Variants in PPFIA1 observed in about 807,000 individuals in gnomAD.
PPFIA1 encodes the protein liprin-alpha-1.
Under a neutral mutation model 149.9 loss-of-function variants are expected in PPFIA1, and 25 were observed. The observed-to-expected ratio is 0.17, with a 90% CI of 0.12 to 0.23. PPFIA1 has a LOEUF of 0.23. PPFIA1 is among the 10% of genes least tolerant of loss of function. PPFIA1 has a pLI of 1.00. For synonymous variants in PPFIA1, 549 were observed against 552.8 expected, an observed-to-expected ratio of 0.99 and a Z score of 0.10; for missense variants, 1,362 against 1,506.5, an observed-to-expected ratio of 0.90 and a Z score of 1.59.
At chr11:70,303,725 G>A (rs1338421186) in intron 2 of PPFIA1, among the ~76,000 whole-genome samples, 1 of 152,214 alleles carries the variant, frequency 6.6e-6, no homozygotes, top group Non-Finnish European at 1.5e-5. Context: ...GTAACTGGAG[G>A]CCTGGCACGG....
rs17853270 is a variant in PPFIA1, at chr11:70,354,423, C to T, written c.2286C>T (p.Val762=). 0.12 allele frequency: 196,332 copies of T among 1,613,538 alleles called. 12,852 individuals carry two copies. The highest frequency in any genetic ancestry group is 0.21 in the Admixed American group (12,743 of 59,946). The change falls in exon 17 of 28, where the codon GTC becomes GTT. Residue 762 remains valine (V), a synonymous_variant. Transcript: ENST00000253925. ...DRLHKGALHT[V]SHEDIRDIRN... is the part of the protein sequence containing the mutation. The stretch of plus-strand genomic sequence containing the variant: ...TGCACAAAGGGGCGCTGCACACCGT[C>T]AGCCACGAGGACATCAGGGACATAA...
chr11:70,295,000 C>T (rs56170946), intron 2 of PPFIA1, among the ~76,000 whole-genome samples: 31,266 of 149,650 alleles, frequency 0.21, 4,989 homozygotes, highest in African/African-American at 0.44. Flanking sequence ...ATCTTTTCCC[C>T]GCCTTTCCCC....
intron 15 of PPFIA1, among the ~76,000 whole-genome samples, chr11:70,347,691 G>A (rs1293513630): frequency 6.6e-6 from 1 of 152,142 alleles, no homozygotes; most frequent in Non-Finnish European, 1.5e-5. Flanking sequence ...GGATGACAGT[G>A]TGAGACCCTG....
intron 2 of PPFIA1, among the ~76,000 whole-genome samples, chr11:70,280,197 C>G (rs978212115): frequency 3.4e-5 from 5 of 145,028 alleles, no homozygotes; most frequent in Middle Eastern, 3.3e-3. Flanking sequence ...CATGAGCTAG[C>G]ATGTGTGTAT....
intron 2 of PPFIA1, among the ~76,000 whole-genome samples, chr11:70,283,223 A>C (rs1254117661): frequency 6.6e-6 from 1 of 150,928 alleles, no homozygotes; most frequent in Non-Finnish European, 1.5e-5. Context: ...TTTCAGTTGC[A>C]TTTTCAAATG....
intron 21 of PPFIA1, chr11:70,367,645 A>T (rs554854738): frequency 2.0e-5 from 9 of 454,552 alleles, no homozygotes; most frequent in African/African-American, 1.8e-4. Flanking sequence ...TCTCCCTGGG[A>T]TGGAGCCTGA....
intron 2 of PPFIA1, among the ~76,000 whole-genome samples, chr11:70,322,050 T>G (rs2053974951): frequency 6.6e-6 from 1 of 152,156 alleles, no homozygotes; most frequent in Non-Finnish European, 1.5e-5. Flanking sequence ...CAGCTAATTT[T>G]GTATTTTTAG....
At chr11:70,321,246 C>T (rs1244764152) in intron 2 of PPFIA1, 1 of 152,390 alleles carries the variant, frequency 6.6e-6, no homozygotes, top group African/African-American at 2.4e-5. Context: ...CTGCTGATGT[C>T]TTGCTTCTGA....
intron 26 of PPFIA1, among the ~76,000 whole-genome samples, chr11:70,380,057 A>G (rs1380388867): frequency 6.6e-6 from 1 of 152,254 alleles, no homozygotes; most frequent in Non-Finnish European, 1.5e-5. Flanking sequence ...CTGATAAATC[A>G]CATCTCCCTT....
chr11:70,315,296 A>G (rs1223005715), intron 2 of PPFIA1, among the ~76,000 whole-genome samples: 6 of 152,202 alleles, frequency 3.9e-5, no homozygotes, highest in Non-Finnish European at 7.3e-5. Context: ...AAATTTTTAT[A>G]AAATTTATAA....
At position 70,362,324 on chromosome 11, in the gene PPFIA1, T is replaced by A; in HGVS notation, c.2701T>A (p.Cys901Ser). The change falls in exon 21 of 28, where the codon TGC becomes AGC. Residue 901 changes from cysteine to serine, a missense_variant. Cys to Ser is a moderately radical substitution (Grantham distance 112, BLOSUM62 -1). Transcript: ENST00000253925. ...VGMPAWYVAACRANVKSGAIM... is the reference protein window; with the variant it reads ...VGMPAWYVAASRANVKSGAIM... ...GATGCCAGCCTGGTATGTGGCTGCC[T>A]GCCGAGCAAACGTGAAAAGCGGGGC... 6.2e-7 allele frequency: 1 copy of A among 1,614,218 alleles called. No homozygotes were observed. The highest frequency in any genetic ancestry group is 8.5e-7 in the Non-Finnish European group (1 of 1,180,040).
chr11:70,380,170 G>A (rs1209777513), intron 26 of PPFIA1, among the ~76,000 whole-genome samples: 1 of 152,154 alleles, frequency 6.6e-6, no homozygotes, highest in African/African-American at 2.4e-5. Context: ...CACTTTGGGA[G>A]GCTGAGGTGG....
chr11:70,382,975 T>G, intron 27 of PPFIA1, 28 bp from the exon 28 acceptor site: 1 of 395,412 alleles, frequency 2.5e-6, no homozygotes, highest in Non-Finnish European at 4.8e-6. Context: ...CTGTACTGAG[T>G]GGTTTTTTGT....
rs149512496 is a variant in PPFIA1 at position 70,289,297 on chromosome 11, A to G, written c.264+16861A>G. ...AAGGTAGCATCTTTTATGTCCTTTCATTGGACAGAGCTAGAAAAAAATGTT... is the reference window on the plus strand; with the variant it reads ...AAGGTAGCATCTTTTATGTCCTTTCGTTGGACAGAGCTAGAAAAAAATGTT... On this transcript the variant is annotated intron_variant, in intron 2 of 27. Transcript: ENST00000253925. 8.7e-3 allele frequency among the ~76,000 whole-genome samples: 1,323 copies of G among 152,178 alleles called. 16 individuals carry two copies. Among genetic ancestry groups the G allele is most frequent in the African/African-American group, 0.02 (829 of 41,514 alleles).
At chr11:70,292,281 G>A (rs1341477655) in intron 2 of PPFIA1, among the ~76,000 whole-genome samples, 1 of 152,220 alleles carries the variant, frequency 6.6e-6, no homozygotes, top group African/African-American at 2.4e-5. Flanking sequence ...ACCACACTCG[G>A]CCAGTGAATA....
At chr11:70,280,723 G>A (rs995749288) in intron 2 of PPFIA1, among the ~76,000 whole-genome samples, 1 of 152,164 alleles carries the variant, frequency 6.6e-6, no homozygotes, top group Admixed American at 6.5e-5. Flanking sequence ...ATGTGCCACT[G>A]TGCCCAGCTA....
chr11:70,338,861 C>T (rs1489156011), intron 13 of PPFIA1, among the ~76,000 whole-genome samples: 3 of 152,198 alleles, frequency 2.0e-5, no homozygotes, highest in Non-Finnish European at 4.4e-5. Flanking sequence ...AGCAGAAATG[C>T]AGAGCCAGAC....
At position 70,301,960 on chromosome 11, in the gene PPFIA1, C is replaced by T. The variant is rs189234983; in HGVS notation, c.265-22442C>T. Among the ~76,000 whole-genome samples, 64 of 152,336 alleles carry T rather than the reference C, an allele frequency of 4.2e-4. 1 individual carries two copies. The highest frequency in any genetic ancestry group is 1.3e-4 in the Non-Finnish European group (9 of 68,034). ...ACCGTGTGAACATGGCTGCTTTGCT[C>T]GGTTCCTTGTTGTGGCTTGGGGTTT... On this transcript the variant is annotated intron_variant, in intron 2 of 27. Transcript: ENST00000253925.
chr11:70,355,618 A>T (rs754115858), intron 17 of PPFIA1, 21 bp from the exon 18 acceptor site: 1 of 1,582,298 alleles, frequency 6.3e-7, no homozygotes, highest in Non-Finnish European at 8.6e-7. Context: ...CATAGTAAAG[A>T]TCCGTTTTCT....
Sources: allele counts gnomAD v4.1 joint callset (sites outside exome capture counted in the v4.1 genomes callset), GRCh38; gene constraint gnomAD v4.1.1; transcripts MANE v1.5; gene names NCBI Gene and HGNC (gene_info 2026-07-23, HGNC 2026-07-21).